The following PLET1 variants were observed in gnomAD, a reference collection of about 807,000 sequenced individuals.
PLET1 encodes the protein placenta expressed transcript 1, also known as placenta-expressed transcript 1 protein.
A neutral mutation model predicts 18.5 loss-of-function variants in PLET1; 20 were observed. The observed-to-expected ratio is 1.08, with a 90% CI of 0.76 to 1.57. PLET1 has a LOEUF of 1.57. Among genes scored for constraint, PLET1 ranks in the 40% most tolerant of loss-of-function variants. The probability of loss-of-function intolerance (pLI) is 0.00; values close to 1 mark genes in which losing one functional copy is unlikely to be tolerated. For synonymous variants in PLET1, 93 were observed against 93.8 expected (o/e 0.99, Z 0.05); for missense variants, 256 against 246.4 (o/e 1.04, Z -0.26).
At chr11:112,257,502 ACT>A (rs1256892242) in intron 1 of PLET1, among the ~76,000 whole-genome samples, 1 of 151,506 alleles carries the variant, frequency 6.6e-6, no homozygotes, top group African/African-American at 2.4e-5. Flanking sequence ...CTAAGTAACT[ACT>A]CATTGGTTGA....
chr11:112,260,435 T>G lies in PLET1; in HGVS notation c.155A>C (p.His52Pro). ...ATAGACTGCATTGCTTTCGTAGATA[T>G]GTGAACTGGCCTTGATGTCTAGGGT... ...TITLDIKASS[H>P]IYESNAVYSV... The change falls in exon 1 of 4, where the codon CAT (histidine) becomes CCT (proline). Residue 52 changes from histidine (H) to proline (P), a missense_variant. By Grantham distance (77) the His-to-Pro change is moderately conservative. Transcript: ENST00000338832. 1 of 1,551,864 alleles carries G rather than the reference T, an allele frequency of 6.4e-7. No homozygotes were observed. Among genetic ancestry groups the G allele is most frequent in the Non-Finnish European group, 8.7e-7 (1 of 1,146,994 alleles).
At position 112,250,156 on chromosome 11, in the gene PLET1, T is replaced by G. The variant is rs543503326; in HGVS notation, c.449-1182A>C. ...GACAGTTGGAATGCAACTACTTTCT[T>G]TTTCTTTTTTTTTTAACTGGATTTT... On this transcript the variant is annotated intron_variant, in intron 3 of 3. Transcript: ENST00000338832. 1.6e-3 allele frequency among the ~76,000 whole-genome samples: 244 copies of G among 151,352 alleles called. 3 individuals carry two copies. The highest frequency in any genetic ancestry group is 5.6e-3 in the African/African-American group (230 of 41,346).
intron 1 of PLET1, among the ~76,000 whole-genome samples, chr11:112,256,611 G>C (rs966224609): frequency 1.3e-5 from 2 of 152,154 alleles, no homozygotes; most frequent in Non-Finnish European, 2.9e-5. Flanking sequence ...AGGTCCCGGA[G>C]AATAAAGAGA....
At chr11:112,258,504 G>C (rs970899844) in intron 1 of PLET1, among the ~76,000 whole-genome samples, 1 of 151,956 alleles carries the variant, frequency 6.6e-6, no homozygotes, top group East Asian at 1.9e-4. Context: ...GTCTGGTCTC[G>C]AACTCTTGAG....
At chr11:112,255,257 A>T in intron 2 of PLET1, 131 bp downstream of exon 2, 1 of 897,522 alleles carries the variant, frequency 1.1e-6, no homozygotes, top group Non-Finnish European at 1.7e-6. Flanking sequence ...GTGAGACGGT[A>T]ATGAAGTGCG....
chr11:112,255,389 G>C lies in PLET1; in HGVS notation c.385C>G (p.Gln129Glu). The change falls in exon 2 of 4, where the codon CAA (glutamine) becomes GAA (glutamate). Residue 129 changes from glutamine (Q) to glutamate (E), a missense_variant and splice_region_variant. Coordinates refer to ENST00000338832, the MANE Select transcript of PLET1 (RefSeq NM_001145024.1). ...AAGCAAAGCAAGCTAGGTTCTTACT[G>C]TATCTCCACTTCAGTTATGTTCTCA... ...EPENITEVEI[Q>E]AFTVQIRALP... The C allele has an allele frequency of 1.3e-6, 2 of 1,552,100 alleles. No individual in the cohort carries two copies. The highest frequency in any genetic ancestry group is 8.7e-7 in the Non-Finnish European group (1 of 1,146,968).
At chr11:112,259,139 G>A (rs1217886103) in intron 1 of PLET1, among the ~76,000 whole-genome samples, 1 of 152,198 alleles carries the variant, frequency 6.6e-6, no homozygotes, top group Non-Finnish European at 1.5e-5. Flanking sequence ...GTTCTTGTCT[G>A]TAAAATGATA....
At chr11:112,255,722 C>T in intron 1 of PLET1, 133 bp from the exon 2 acceptor site, 1 of 738,990 alleles carries the variant, frequency 1.4e-6, no homozygotes, top group Non-Finnish European at 2.3e-6. Flanking sequence ...AGTATATGGT[C>T]TCACTGTTGT....
At position 112,255,551 on chromosome 11, in the gene PLET1, T is replaced by A; in HGVS notation, c.223A>T (p.Met75Leu). The A allele has an allele frequency of 6.4e-7, 1 of 1,551,494 alleles. No homozygotes were observed. The highest frequency in any genetic ancestry group is 8.7e-7 in the Non-Finnish European group (1 of 1,146,816). ...TCACTGTTCTCGTCCAAGGTTTTCA[T>A]GACCACAGCATAGACGCTGTCATTC... is the stretch of plus-strand genomic sequence containing the variant. Reference protein sequence around the residue: ...PVNDSVYAVVMKTLDENSDSA... With the variant: ...PVNDSVYAVVLKTLDENSDSA... Residue 75 changes from methionine to leucine, a missense_variant, in exon 2 of 4, where the codon ATG (methionine) becomes TTG (leucine). Coordinates refer to ENST00000338832, the MANE Select transcript of PLET1 (RefSeq NM_001145024.1).
intron 1 of PLET1, among the ~76,000 whole-genome samples, chr11:112,258,236 T>G (rs189680602): frequency 3.1e-4 from 47 of 151,872 alleles, no homozygotes; most frequent in African/African-American, 1.1e-3. Context: ...AAGGCTCCCA[T>G]GTTTCCCCCT....
At chr11:112,260,001 A>T (rs192215148) in intron 1 of PLET1, among the ~76,000 whole-genome samples, 8 of 152,292 alleles carry the variant, frequency 5.3e-5, no homozygotes, top group Non-Finnish European at 1.0e-4. Context: ...TTGTACCATT[A>T]CACTCCAGCC....
chr11:112,251,829 GC>G (rs35294232), intron 3 of PLET1, among the ~76,000 whole-genome samples: 95,288 of 152,020 alleles, frequency 0.63, 31,629 homozygotes, highest in East Asian at 0.79. Context: ...CCTGTGAAAA[GC>G]TGTGGAAATT....
chr11:112,260,378 G>T, intron 1 of PLET1, 28 bp downstream of exon 1: 1 of 1,535,046 alleles, frequency 6.5e-7, no homozygotes. Flanking sequence ...GGGAACAAAG[G>T]ACAGCAGAGA....
chr11:112,259,448 G>C (rs1345613835), intron 1 of PLET1, among the ~76,000 whole-genome samples: 2 of 152,140 alleles, frequency 1.3e-5, no homozygotes, highest in African/African-American at 4.8e-5. Flanking sequence ...CATATTCCTT[G>C]ACTTTTAGGT....
intron 3 of PLET1, among the ~76,000 whole-genome samples, chr11:112,250,638 A>T (rs1418896350): frequency 6.6e-6 from 1 of 152,200 alleles, no homozygotes; most frequent in African/African-American, 2.4e-5. Context: ...AGAAAAACTT[A>T]AAGACAGTGT....
chr11:112,259,229 G>A (rs1488275859), intron 1 of PLET1, among the ~76,000 whole-genome samples: 1 of 152,156 alleles, frequency 6.6e-6, no homozygotes, highest in African/African-American at 2.4e-5. Context: ...GTATATAGTG[G>A]TTAAAGGCAG....
At chr11:112,258,008 G>A (rs866006030) in intron 1 of PLET1, among the ~76,000 whole-genome samples, 6 of 152,316 alleles carry the variant, frequency 3.9e-5, no homozygotes, top group Middle Eastern at 3.4e-3. Flanking sequence ...TGTATCATGA[G>A]TCAATTTGCC....
intron 3 of PLET1, among the ~76,000 whole-genome samples, chr11:112,249,618 C>T (rs552491913): frequency 2.6e-5 from 4 of 152,134 alleles, no homozygotes; most frequent in Non-Finnish European, 5.9e-5. Context: ...CCTGGACAAA[C>T]TGGAGGTTGG....
At chr11:112,255,282 C>A in intron 2 of PLET1, 106 bp downstream of exon 2, 1 of 1,172,044 alleles carries the variant, frequency 8.5e-7, no homozygotes, top group South Asian at 1.3e-5. Flanking sequence ...CTGAGTTCTC[C>A]ATATCACGTC....
Sources: gnomAD v4.1 joint callset for allele counts (sites outside exome capture counted in the v4.1 genomes callset) on GRCh38, gnomAD v4.1.1 for gene constraint, MANE v1.5 for transcripts, NCBI Gene and HGNC (gene_info 2026-07-23, HGNC 2026-07-21) for gene names.